The following GLRA3 variants were observed in gnomAD, a reference collection of about 807,000 sequenced individuals.
GLRA3 encodes glycine receptor subunit alpha-3.
Under a neutral mutation model 60.4 loss-of-function variants are expected in GLRA3, and 44 were observed. The observed-to-expected ratio is 0.73, with a 90% CI of 0.57 to 0.94. GLRA3 has a LOEUF of 0.94. Ranked by LOEUF, GLRA3 falls within the 40% of genes least tolerant of loss-of-function variation. The pLI is 0.00. For missense variants in GLRA3, 508 were observed against 564.6 expected (o/e 0.90, Z 1.02); for synonymous variants, 223 against 192.9 (o/e 1.16, Z -1.29).
In GLRA3 at chr4:174,826,746, C is replaced by T. The variant is rs528744174; in HGVS notation, c.71+1995G>A. Among the ~76,000 whole-genome samples, 191 of 152,168 alleles carry T rather than the reference C, an allele frequency of 1.3e-3. No individual in the cohort carries two copies. In the Middle Eastern group the frequency reaches 0.014, roughly 11 times the overall value. ...AATATGTTAAGAATTAATGCCAATA[C>T]TTTCTTTTGTTTTCATCTTTTTTCT... On this transcript the variant is annotated intron_variant, in intron 1 of 9. Transcript: ENST00000274093.
At chr4:174,751,518 A>C (rs1455750041) in intron 3 of GLRA3, among the ~76,000 whole-genome samples, 6 of 152,262 alleles carry the variant, frequency 3.9e-5, no homozygotes, top group Admixed American at 2.6e-4. Context: ...GAATAAATTC[A>C]TACAAAAATA....
chr4:174,696,494 ATAT>A (rs781264524), intron 5 of GLRA3, among the ~76,000 whole-genome samples: 54 of 149,086 alleles, frequency 3.6e-4, no homozygotes, highest in Non-Finnish European at 6.8e-4. Flanking sequence ...TAATATAATA[ATAT>A]TATAAAAATG....
At chr4:174,674,918 ATTG>A (rs1212736659) in intron 7 of GLRA3, among the ~76,000 whole-genome samples, 1 of 152,166 alleles carries the variant, frequency 6.6e-6, no homozygotes, top group African/African-American at 2.4e-5. Context: ...CAGAATCAGA[ATTG>A]TACTTTTAAA....
At chr4:174,688,302 T>G (rs1734626503) in intron 5 of GLRA3, among the ~76,000 whole-genome samples, 1 of 124,084 alleles carries the variant, frequency 8.1e-6, no homozygotes, top group Non-Finnish European at 1.6e-5. Context: ...CCATAGTACT[T>G]ATCCTTACCT....
intron 5 of GLRA3, among the ~76,000 whole-genome samples, chr4:174,688,198 C>T (rs1181338675): frequency 6.6e-6 from 1 of 151,024 alleles, no homozygotes; most frequent in African/African-American, 2.4e-5. Context: ...GCTTGTATTT[C>T]ATACCTCATG....
intron 4 of GLRA3, among the ~76,000 whole-genome samples, chr4:174,720,455 T>C (rs1736088908): frequency 6.6e-6 from 1 of 152,232 alleles, no homozygotes; most frequent in Non-Finnish European, 1.5e-5. Context: ...ATTAGTATTG[T>C]CACTGCCATG....
In GLRA3 at chr4:174,715,586, A is replaced by T; in HGVS notation, c.492-16T>A. ...TAATGTTAATCTGAAAGTCAAAGTAATTATTTTTAAAGGAAATTTATGACA... is the reference window on the plus strand; with the variant it reads ...TAATGTTAATCTGAAAGTCAAAGTATTTATTTTTAAAGGAAATTTATGACA... On this transcript the variant is annotated splice_polypyrimidine_tract_variant and intron_variant, in intron 4 of 9. Transcript: ENST00000274093. 8.2e-7 allele frequency: 1 copy of T among 1,219,188 alleles called. No individual in the cohort carries two copies. Among genetic ancestry groups the T allele is most frequent in the Non-Finnish European group, 1.2e-6 (1 of 834,930 alleles). 75.5% of individuals were successfully genotyped at this position (1,219,188 alleles called of 1,614,324 possible).
At chr4:174,733,890 G>T (rs1024776984) in intron 3 of GLRA3, among the ~76,000 whole-genome samples, 1 of 152,074 alleles carries the variant, frequency 6.6e-6, no homozygotes, top group Non-Finnish European at 1.5e-5. Context: ...TCTCATAAAA[G>T]AATAAAAACA....
rs1342164388 is a variant in GLRA3 at position 174,639,665 on chromosome 4, T to C, written c.*4121A>G. The C allele has an allele frequency of 2.6e-5, 4 of 152,108 alleles. No individual in the cohort carries two copies. The highest frequency in any genetic ancestry group is 2.9e-5 in the Non-Finnish European group (2 of 67,994). 9.4% of individuals were successfully genotyped at this position (152,108 alleles called of 1,614,324 possible). On this transcript the variant is annotated 3_prime_UTR_variant, in exon 10 of 10. Transcript: ENST00000274093. Reference sequence around the variant, plus strand: ...ATGCATCACTTTACTTTTGAAGTAATTGGAGTACCAGGTGTCTCCCTATGG... The same window carrying C: ...ATGCATCACTTTACTTTTGAAGTAACTGGAGTACCAGGTGTCTCCCTATGG...
intron 2 of GLRA3, among the ~76,000 whole-genome samples, chr4:174,785,936 GTTT>G (rs752488665): frequency 9.7e-6 from 1 of 103,478 alleles, no homozygotes. Context: ...TGCCTGGCTA[GTTT>G]TTTTTTTTTT....
intron 4 of GLRA3, among the ~76,000 whole-genome samples, chr4:174,718,182 C>T (rs1735994671): frequency 6.6e-6 from 1 of 152,164 alleles, no homozygotes; most frequent in Non-Finnish European, 1.5e-5. Flanking sequence ...GCTCCTTTCA[C>T]AGCATACTGA....
chr4:174,694,699 C>T (rs911008961), intron 5 of GLRA3, among the ~76,000 whole-genome samples: 1 of 151,916 alleles, frequency 6.6e-6, no homozygotes, highest in Non-Finnish European at 1.5e-5. Flanking sequence ...AACAAATCAA[C>T]CCCAAAGCTA....
intron 5 of GLRA3, among the ~76,000 whole-genome samples, chr4:174,708,044 G>A (rs1299621905): frequency 5.9e-5 from 9 of 152,114 alleles, no homozygotes; most frequent in Non-Finnish European, 1.2e-4. Context: ...GAGGACTTCT[G>A]TTTTCTAGCT....
At chr4:174,725,639 C>T (rs1736295792) in intron 4 of GLRA3, among the ~76,000 whole-genome samples, 2 of 149,618 alleles carry the variant, frequency 1.3e-5, no homozygotes, top group Admixed American at 6.6e-5. Context: ...CGCCACCTTG[C>T]CCAGCTAATT....
At chr4:174,782,428 C>T (rs1434610136) in intron 2 of GLRA3, among the ~76,000 whole-genome samples, 1 of 149,946 alleles carries the variant, frequency 6.7e-6, no homozygotes, top group Non-Finnish European at 1.5e-5. Flanking sequence ...TGCCCTCTCT[C>T]ACCACTCCTA....
intron 6 of GLRA3, among the ~76,000 whole-genome samples, chr4:174,679,710 C>A (rs1387572561): frequency 6.6e-6 from 1 of 152,114 alleles, no homozygotes; most frequent in Non-Finnish European, 1.5e-5. Context: ...AAAAAGAATG[C>A]AATTCTATCA....
At position 174,760,742 on chromosome 4, in the gene GLRA3, A is replaced by G. The variant is rs113960582; in HGVS notation, c.267+6221T>C. Among the ~76,000 whole-genome samples the G allele has an allele frequency of 4.9e-3, 743 of 151,722 alleles. 6 individuals are homozygous for G. The highest frequency in any genetic ancestry group is 0.017 in the African/African-American group (712 of 41,344). On this transcript the variant is annotated intron_variant, in intron 3 of 9. Transcript: ENST00000274093. ...ACCATGTTGGCCAGGCTGGTCTTGA[A>G]CTCCTGACCTCAGGTGATCCGCCCT...
At chr4:174,769,916 T>A (rs1340997920) in intron 2 of GLRA3, among the ~76,000 whole-genome samples, 1 of 152,140 alleles carries the variant, frequency 6.6e-6, no homozygotes, top group South Asian at 2.1e-4. Context: ...CTATTTTCTA[T>A]TTTTCAGCAT....
At chr4:174,765,943 C>T (rs1738121786) in intron 3 of GLRA3, among the ~76,000 whole-genome samples, 1 of 147,398 alleles carries the variant, frequency 6.8e-6, no homozygotes, top group Non-Finnish European at 1.5e-5. Flanking sequence ...AGGGAAACAG[C>T]TTTTTTTTTT....
Sources: gnomAD v4.1 joint callset for allele counts (sites outside exome capture counted in the v4.1 genomes callset) on GRCh38, gnomAD v4.1.1 for gene constraint, MANE v1.5 for transcripts, NCBI Gene and HGNC (gene_info 2026-07-23, HGNC 2026-07-21) for gene names.